The following RIMKLB variants were observed in gnomAD, a reference collection of about 807,000 sequenced individuals.
RIMKLB encodes the protein ribosomal modification protein rimK like family member B, also known as beta-citrylglutamate synthase B.
Under a neutral mutation model 32.0 loss-of-function variants are expected in RIMKLB, and 7 were observed. The observed-to-expected ratio is 0.22, with a 90% confidence interval of 0.12 to 0.41. The LOEUF (loss-of-function observed/expected upper bound fraction) is 0.41, where lower values mean the gene tolerates loss of function less well. Ranked by LOEUF, RIMKLB falls within the 10% of genes least tolerant of loss-of-function variation. RIMKLB has a pLI of 1.00. For synonymous variants in RIMKLB, 172 were observed against 185.1 expected (o/e 0.93, Z 0.57); for missense variants, 289 against 498.7 (o/e 0.58, Z 4.00).
At chr12:8,721,063 G>A (rs997797951) in intron 2 of RIMKLB, among the ~76,000 whole-genome samples, 27 of 152,310 alleles carry the variant, frequency 1.8e-4, no homozygotes, top group African/African-American at 6.3e-4. Context: ...CTGTTAATAG[G>A]TAATGTCTGC....
upstream of RIMKLB, among the ~76,000 whole-genome samples, chr12:8,696,845 A>G (rs74628420): frequency 0.014 from 2,209 of 152,346 alleles, 47 homozygotes; most frequent in African/African-American, 0.048. Context: ...GACAGGGCTG[A>G]GACCAGCAAG....
At chr12:8,678,236 G>A (rs181896122), upstream of RIMKLB, among the ~76,000 whole-genome samples, 4 of 151,246 alleles carry the variant, frequency 2.6e-5, no homozygotes, top group Admixed American at 6.6e-5. Context: ...GGCTGGTCTC[G>A]AACTCTTGGA....
chr12:8,709,410 T>G (rs1005704327), intron 1 of RIMKLB, among the ~76,000 whole-genome samples: 1 of 152,248 alleles, frequency 6.6e-6, no homozygotes, highest in South Asian at 2.1e-4. Flanking sequence ...TGAAATTCTG[T>G]TAAGAGGAAA....
In RIMKLB at chr12:8,776,991, C is replaced by T. The variant is rs1950763084; in HGVS notation, c.*3207C>T. The T allele has an allele frequency of 2.0e-6, 2 of 985,800 alleles. No individual in the cohort carries two copies. Among genetic ancestry groups the T allele is most frequent in the Admixed American group, 6.1e-5 (1 of 16,270 alleles). 61.1% of individuals were successfully genotyped at this position (985,800 alleles called of 1,614,324 possible). A position where few individuals can be genotyped will look rare whatever the true frequency, so the allele number is the denominator to read the frequency against. ...ATCAAATCTTGTGTTATACTTTTCT[C>T]CTGGCTCACTTTTTTTGAGAAGGTT... On this transcript the variant is annotated 3_prime_UTR_variant, in exon 6 of 6. Transcript: ENST00000535829.
chr12:8,717,432 C>CT (rs150157505), intron 2 of RIMKLB, among the ~76,000 whole-genome samples: 6,557 of 148,488 alleles, frequency 0.044, 427 homozygotes, highest in African/African-American at 0.14. Context: ...TTTCCTTTTC[C>CT]TTTTTTTTTT....
intron 4 of RIMKLB, among the ~76,000 whole-genome samples, chr12:8,753,086 A>C (rs1036654647): frequency 2.0e-5 from 3 of 152,154 alleles, no homozygotes; most frequent in African/African-American, 7.2e-5. Flanking sequence ...TATCAGTCTG[A>C]GTACAGTGAC....
downstream of RIMKLB, chr12:8,777,597 A>G (rs1950811466): frequency 7.8e-7 from 1 of 1,288,182 alleles, no homozygotes; most frequent in South Asian, 1.2e-5. Context: ...CAGCCTTTTC[A>G]GGAGCCAAAA....
chr12:8,729,666 G>C lies in RIMKLB; in HGVS notation c.175+15625G>C, dbSNP rs75457618. 9.5e-4 allele frequency among the ~76,000 whole-genome samples: 144 copies of C among 152,144 alleles called. 1 individual carries two copies. The East Asian group carries it at 0.025, about 26-fold the overall frequency. ...GGCTTGAGGGTTGGGCCCTCACCAG[G>C]GATCTGCCCTCTTTTGTCCAGAATT... On this transcript the variant is annotated intron_variant, in intron 2 of 5. Coordinates refer to ENST00000535829, the MANE Select transcript of RIMKLB (RefSeq NM_001297776.2).
chr12:8,717,861 T>A (rs1001608332), intron 2 of RIMKLB, among the ~76,000 whole-genome samples: 9 of 152,222 alleles, frequency 5.9e-5, no homozygotes, highest in Non-Finnish European at 1.3e-4. Flanking sequence ...TTTTTTTTGT[T>A]GTTGTTGAGT....
intron 5 of RIMKLB, among the ~76,000 whole-genome samples, chr12:8,757,493 G>GTT (rs1949149135): frequency 7.3e-6 from 1 of 137,778 alleles, no homozygotes; most frequent in African/African-American, 3.3e-5. Flanking sequence ...AAAAAAAGTT[G>GTT]TTTTGAGATC....
upstream of RIMKLB, among the ~76,000 whole-genome samples, chr12:8,695,534 G>C (rs1942861090): frequency 6.6e-6 from 1 of 151,772 alleles, no homozygotes; most frequent in African/African-American, 2.4e-5. Context: ...ACAATATCAT[G>C]ATAATGGTAA....
Position 8,776,177 on chromosome 12 carries a change from T to C in RIMKLB, c.*2393T>C, listed in dbSNP as rs575281962. ...ATGTAGTTAGTCTTTTCTTAACTTA[T>C]ACCAAATTAACCAACTATATTATAG... On this transcript the variant is annotated 3_prime_UTR_variant, in exon 6 of 6. Coordinates refer to ENST00000535829, the MANE Select transcript of RIMKLB (RefSeq NM_001297776.2). 5.6e-4 allele frequency: 551 copies of C among 984,172 alleles called. No individual in the cohort carries two copies. The highest frequency in any genetic ancestry group is 1.0e-3 in the Middle Eastern group (2 of 1,912). The allele number at this position is 984,172 out of a possible 1,614,324, so 61.0% of individuals were successfully genotyped here.
At chr12:8,672,249 A>G in the RIMKLB span, among the ~76,000 whole-genome samples, 8 of 152,126 alleles carry the variant, frequency 5.3e-5, no homozygotes, top group African/African-American at 1.2e-4. Context: ...ACATTTTTCT[A>G]TCTTCTTCTG....
chr12:8,694,591 A>G (rs936132291), upstream of RIMKLB, among the ~76,000 whole-genome samples: 2 of 151,418 alleles, frequency 1.3e-5, no homozygotes, highest in East Asian at 3.9e-4. Flanking sequence ...GCAGAGTTTC[A>G]CCATGTGGGC....
intron 1 of RIMKLB, among the ~76,000 whole-genome samples, chr12:8,705,302 C>T (rs999131726): frequency 1.3e-5 from 2 of 152,022 alleles, no homozygotes; most frequent in Admixed American, 6.6e-5. Flanking sequence ...CATGGCGAAA[C>T]TCCATCTCTA....
At chr12:8,675,599 A>C in the RIMKLB span, among the ~76,000 whole-genome samples, 1 of 152,250 alleles carries the variant, frequency 6.6e-6, no homozygotes, top group Non-Finnish European at 1.5e-5. Context: ...TGGTACAAAG[A>C]GTGGAAACAT....
chr12:8,720,467 G>A (rs975853191), intron 2 of RIMKLB, among the ~76,000 whole-genome samples: 1 of 152,144 alleles, frequency 6.6e-6, no homozygotes, highest in Admixed American at 6.5e-5. Context: ...GAGTCTAGTA[G>A]AATTAAAGAC....
chr12:8,682,818 AAAG>A (rs1484485111), intron 1 of RIMKLB, among the ~76,000 whole-genome samples: 2 of 148,256 alleles, frequency 1.3e-5, no homozygotes, highest in Non-Finnish European at 3.0e-5. Flanking sequence ...AAAAAAAAAA[AAAG>A]AAACGAGGTT....
intron 5 of RIMKLB, among the ~76,000 whole-genome samples, chr12:8,768,525 CTT>C (rs1269112404): frequency 1.3e-5 from 2 of 152,186 alleles, no homozygotes; most frequent in African/African-American, 4.8e-5. Context: ...TTTTAAAAAA[CTT>C]TATCACATTT....
Sources: gnomAD v4.1 joint callset for allele counts (sites outside exome capture counted in the v4.1 genomes callset) on GRCh38, gnomAD v4.1.1 for gene constraint, MANE v1.5 for transcripts, NCBI Gene and HGNC (gene_info 2026-07-23, HGNC 2026-07-21) for gene names.